The following FAM120A variants were observed in gnomAD, a reference collection of about 807,000 sequenced individuals.
FAM120A encodes family with sequence similarity 120 member A.
A neutral mutation model predicts 109.7 loss-of-function variants in FAM120A; 15 were observed. That is an observed-to-expected ratio of 0.14 (90% confidence interval 0.09 to 0.21). The LOEUF (loss-of-function observed/expected upper bound fraction) is 0.21. Ranked by LOEUF, FAM120A falls within the 10% of genes least tolerant of loss-of-function variation. The pLI, the probability that FAM120A is intolerant of heterozygous loss-of-function variation, is 1.00. For missense variants in FAM120A, 899 were observed against 1,439.3 expected (o/e 0.62, Z 6.07); for synonymous variants, 493 against 572.8 (o/e 0.86, Z 1.99).
chr9:93,476,355 ATTT>A lies in FAM120A; in HGVS notation c.804+20_804+22del. ...TCACTAAAGGTACAAATTTCACTTT[ATTT>A]TTCTAGCATTTGTAATAATCAACTG... On this transcript the variant is annotated intron_variant, in intron 3 of 17. Transcript: ENST00000277165. 1 of 1,515,682 alleles carries A rather than the reference ATTT, an allele frequency of 6.6e-7. No homozygotes were observed. Among genetic ancestry groups the A allele is most frequent in the Middle Eastern group, 1.7e-4 (1 of 5,886 alleles). 93.9% of individuals were successfully genotyped at this position (1,515,682 alleles called of 1,614,324 possible). A position where few individuals can be genotyped will look rare whatever the true frequency, so the allele number is the denominator to read the frequency against.
intron 12 of FAM120A, among the ~76,000 whole-genome samples, chr9:93,552,121 A>G (rs1862123208): frequency 6.6e-6 from 1 of 152,174 alleles, no homozygotes; most frequent in Non-Finnish European, 1.5e-5. Flanking sequence ...TTACATCAGT[A>G]TTGACATCCC....
chr9:93,454,886 G>A (rs994933459), intron 1 of FAM120A, among the ~76,000 whole-genome samples: 1 of 152,206 alleles, frequency 6.6e-6, no homozygotes, highest in Non-Finnish European at 1.5e-5. Context: ...AAAAAAATAT[G>A]AGCAATACCA....
At chr9:93,542,608 C>A (rs1257499866) in intron 10 of FAM120A, among the ~76,000 whole-genome samples, 1 of 152,172 alleles carries the variant, frequency 6.6e-6, no homozygotes, top group Non-Finnish European at 1.5e-5. Context: ...TGAAGTCTTG[C>A]TGAATAGAAT....
At chr9:93,503,493 C>T (rs1298356318) in intron 5 of FAM120A, among the ~76,000 whole-genome samples, 1 of 152,108 alleles carries the variant, frequency 6.6e-6, no homozygotes, top group African/African-American at 2.4e-5. Flanking sequence ...AGGCTACATA[C>T]TGTGCGATTC....
At chr9:93,555,664 C>T (rs756043739) in intron 12 of FAM120A, among the ~76,000 whole-genome samples, 2 of 152,178 alleles carry the variant, frequency 1.3e-5, no homozygotes, top group African/African-American at 4.8e-5. Flanking sequence ...ACACTAGAAG[C>T]GTGGGCTCTA....
chr9:93,560,495 T>C (rs903175323), intron 15 of FAM120A, among the ~76,000 whole-genome samples: 2 of 152,224 alleles, frequency 1.3e-5, no homozygotes, highest in African/African-American at 4.8e-5. Context: ...TTGTTTATTA[T>C]CCATTCTCAC....
chr9:93,488,547 C>T (rs1312283159), intron 3 of FAM120A, among the ~76,000 whole-genome samples: 1 of 152,092 alleles, frequency 6.6e-6, no homozygotes, highest in African/African-American at 2.4e-5. Flanking sequence ...ATATATTTCT[C>T]CAGACAAGTC....
chr9:93,499,010 A>C, intron 5 of FAM120A, 124 bp downstream of exon 5: 1 of 715,588 alleles, frequency 1.4e-6, no homozygotes, highest in East Asian at 2.5e-5. Context: ...TATGCCAGTA[A>C]GTATAGCCAA....
At chr9:93,464,871 G>A (rs949897934) in intron 1 of FAM120A, among the ~76,000 whole-genome samples, 1 of 152,060 alleles carries the variant, frequency 6.6e-6, no homozygotes, top group Non-Finnish European at 1.5e-5. Context: ...TCTTCGAGGG[G>A]GTTCAAAATC....
rs959933412 is a variant in FAM120A at position 93,516,119 on chromosome 9, A to G, written c.1268A>G (p.His423Arg). The change falls in exon 7 of 18, where the codon CAC becomes CGC. Residue 423 changes from histidine (H) to arginine (R), a missense_variant. This residue lies in a region of FAM120A where 30 missense variants were observed against 32.5 expected (regional missense o/e 0.92). Coordinates refer to ENST00000277165, the MANE Select transcript of FAM120A (RefSeq NM_014612.5). The part of the protein sequence containing the change: ...TEQNSYSNIP[H>R]EGKHTPLYER... ...CAGAACAGCTACAGCAACATTCCTC[A>G]CGAAGGGAAGCACACGCCGCTGTAT... The G allele has an allele frequency of 6.2e-7, 1 of 1,613,728 alleles. No individual in the cohort carries two copies. The highest frequency in any genetic ancestry group is 8.5e-7 in the Non-Finnish European group (1 of 1,179,830).
intron 5 of FAM120A, among the ~76,000 whole-genome samples, chr9:93,510,209 C>T (rs548792288): frequency 9.9e-4 from 151 of 152,280 alleles, no homozygotes; most frequent in African/African-American, 3.4e-3. Flanking sequence ...TGCGACCTTT[C>T]GCTCCATTTT....
intron 1 of FAM120A, chr9:93,453,130 T>C (rs1588762393): frequency 2.0e-6 from 2 of 1,006,176 alleles, no homozygotes; most frequent in Non-Finnish European, 2.4e-6. Context: ...GTTTTGTAGA[T>C]CCCATGCGAA....
intron 11 of FAM120A, among the ~76,000 whole-genome samples, chr9:93,544,920 G>A (rs1861828139): frequency 6.6e-6 from 1 of 152,174 alleles, no homozygotes; most frequent in Admixed American, 6.5e-5. Flanking sequence ...TCACATGGAA[G>A]TGCTTAGAGG....
At chr9:93,457,801 CCT>C (rs1857616019) in intron 1 of FAM120A, among the ~76,000 whole-genome samples, 1 of 132,964 alleles carries the variant, frequency 7.5e-6, no homozygotes, top group South Asian at 2.2e-4. Flanking sequence ...TAAATCTCTT[CCT>C]TTTTTTTTTT....
intron 7 of FAM120A, among the ~76,000 whole-genome samples, chr9:93,517,810 GTGAGT>G (rs1860665776): frequency 6.6e-6 from 1 of 152,124 alleles, no homozygotes. Context: ...TGAGAAGAAT[GTGAGT>G]TGCCCATCTA....
chr9:93,557,722 G>T, intron 13 of FAM120A, 105 bp from the exon 14 acceptor site: 1 of 1,110,980 alleles, frequency 9.0e-7, no homozygotes. Context: ...ATGAATAAAG[G>T]GAACCAACTG....
chr9:93,463,901 A>G (rs574251252), intron 1 of FAM120A, among the ~76,000 whole-genome samples: 4 of 152,368 alleles, frequency 2.6e-5, no homozygotes, highest in African/African-American at 7.2e-5. Flanking sequence ...TTAAAAGTAC[A>G]TAGTAACTGA....
Position 93,558,008 on chromosome 9 carries a change from C to G in FAM120A, c.2666C>G (p.Ala889Gly). Residue 889 changes from alanine (A) to glycine (G), a missense_variant and splice_region_variant, in exon 14 of 18, where the codon GCA (alanine) becomes GGA (glycine). By Grantham distance (60) the Ala-to-Gly change is moderately conservative. Around this residue, in one of 11 missense-constraint regions of FAM120A, gnomAD observed 129 missense variants for 153.4 expected, o/e 0.84. Transcript: ENST00000277165. ...PPSQGRGRGFAGVCGFGGPYG... is the reference protein window; with the variant it reads ...PPSQGRGRGFGGVCGFGGPYG... ...TCTCAGGGCAGGGGCAGAGGCTTTGCAGGTGAGTTGATTGGGACGTATTCC... is the reference window on the plus strand; with the variant it reads ...TCTCAGGGCAGGGGCAGAGGCTTTGGAGGTGAGTTGATTGGGACGTATTCC... 1 of 1,588,852 alleles carries G rather than the reference C, an allele frequency of 6.3e-7. No homozygotes were observed. The highest frequency in any genetic ancestry group is 8.5e-7 in the Non-Finnish European group (1 of 1,174,502).
At chr9:93,541,180 G>A (rs779224730) in intron 10 of FAM120A, among the ~76,000 whole-genome samples, 6 of 152,140 alleles carry the variant, frequency 3.9e-5, no homozygotes, top group Non-Finnish European at 8.8e-5. Flanking sequence ...GTGTTTGCGA[G>A]GTGTGGTTAT....
Sources: gnomAD v4.1 joint callset for allele counts (sites outside exome capture counted in the v4.1 genomes callset) on GRCh38, gnomAD v4.1.1 for gene constraint, gnomAD v4.1.1 regional missense constraint, MANE v1.5 for transcripts, NCBI Gene and HGNC (gene_info 2026-07-23, HGNC 2026-07-21) for gene names.